The following CXADR variants were observed in gnomAD, a reference collection of about 807,000 sequenced individuals.
The protein encoded by CXADR is coxsackievirus and adenovirus receptor.
In CXADR, 20 loss-of-function variants were observed where a neutral mutation model predicts 40.3. The ratio of observed to expected loss-of-function variants is 0.50; its 90% CI spans 0.35 to 0.72. CXADR has a LOEUF of 0.72. Ranked by LOEUF, CXADR falls within the 30% of genes least tolerant of loss-of-function variation. CXADR has a pLI of 0.01. For synonymous variants in CXADR, 150 were observed against 161.3 expected (o/e 0.93, Z 0.53); for missense variants, 332 against 449.1 (o/e 0.74, Z 2.36).
the CXADR span, among the ~76,000 whole-genome samples, chr21:17,603,873 G>A: frequency 2.6e-4 from 39 of 152,218 alleles, no homozygotes; most frequent in East Asian, 7.3e-3. Flanking sequence ...ACTGCATTTT[G>A]TACACATTTC....
chr21:17,562,555 G>A (rs2061139038), intron 6 of CXADR, among the ~76,000 whole-genome samples: 5 of 152,196 alleles, frequency 3.3e-5, no homozygotes, highest in Admixed American at 3.3e-4. Context: ...CTCCTGGGCT[G>A]CATTGGCTCC....
intron 1 of CXADR, chr21:17,518,702 G>A (rs2060491770): frequency 2.5e-6 from 4 of 1,608,192 alleles, no homozygotes; most frequent in East Asian, 4.5e-5. Context: ...AATATTCCAG[G>A]TATCATTTCT....
rs2061205296 is a variant in CXADR, at chr21:17,566,121, A to G, written c.*429A>G. On this transcript the variant is annotated 3_prime_UTR_variant, in exon 7 of 7. Transcript: ENST00000284878. ...GTATTTCATTTATTTATGGCCCACC[A>G]GTCTCCCCCAAATTAGTACAGAAAT... 1.0e-6 allele frequency: 1 copy of G among 984,274 alleles called. No individual in the cohort carries two copies. The highest frequency in any genetic ancestry group is 1.2e-6 in the Non-Finnish European group (1 of 828,598). 61.0% of individuals were successfully genotyped at this position (984,274 alleles called of 1,614,324 possible).
At chr21:17,612,740 C>G in the CXADR span, 1 of 152,844 alleles carries the variant, frequency 6.5e-6, no homozygotes, top group East Asian at 1.9e-4. Context: ...ATTCGGCGGC[C>G]CAGACCGTGT....
intron 7 of CXADR, among the ~76,000 whole-genome samples, chr21:17,587,446 A>G (rs1307187900): frequency 2.0e-5 from 3 of 152,166 alleles, no homozygotes; most frequent in East Asian, 3.9e-4. Flanking sequence ...CTGGTGTGAG[A>G]TGGTATCTCA....
intron 1 of CXADR, among the ~76,000 whole-genome samples, chr21:17,537,592 C>G (rs2060775245): frequency 6.6e-6 from 1 of 152,056 alleles, no homozygotes; most frequent in African/African-American, 2.4e-5. Context: ...AATCCCTGTG[C>G]ATGTGCCATC....
chr21:17,632,712 A>T, the CXADR span, among the ~76,000 whole-genome samples: 1 of 152,038 alleles, frequency 6.6e-6, no homozygotes, highest in Admixed American at 6.6e-5. Context: ...CTAAAAATAC[A>T]AAAAATATTA....
intron 3 of CXADR, among the ~76,000 whole-genome samples, chr21:17,554,744 A>G (rs1045766956): frequency 1.4e-4 from 22 of 152,140 alleles, no homozygotes; most frequent in African/African-American, 5.3e-4. Context: ...TTCTGCCTGG[A>G]TTATCTGGGG....
At chr21:17,516,412 C>T (rs2060462713) in intron 1 of CXADR, among the ~76,000 whole-genome samples, 1 of 152,168 alleles carries the variant, frequency 6.6e-6, no homozygotes, top group Non-Finnish European at 1.5e-5. Flanking sequence ...TCTTTAATGT[C>T]ATAGTCTTAA....
Position 17,513,133 on chromosome 21 carries a change from G to C in CXADR, c.4G>C (p.Ala2Pro). Residue 2 changes from alanine (A) to proline (P), a missense_variant, in exon 1 of 7, where the codon GCG (alanine) becomes CCG (proline). This residue lies in a region of CXADR where 162 missense variants were observed against 198.5 expected (regional missense o/e 0.82). Coordinates refer to ENST00000284878, the MANE Select transcript of CXADR (RefSeq NM_001338.5). ...CGCCCACGGCACGGCAGCCACCATG[G>C]CGCTCCTGCTGTGCTTCGTGCTCCT... M[A>P]LLLCFVLLCG... The C allele has an allele frequency of 1.5e-6, 2 of 1,362,100 alleles. No individual in the cohort carries two copies. The highest frequency in any genetic ancestry group is 1.9e-6 in the Non-Finnish European group (2 of 1,054,066). 84.4% of individuals were successfully genotyped at this position (1,362,100 alleles called of 1,614,324 possible).
chr21:17,556,381 G>A (rs886585668), intron 3 of CXADR, among the ~76,000 whole-genome samples: 11 of 152,138 alleles, frequency 7.2e-5, no homozygotes, highest in African/African-American at 2.7e-4. Context: ...TATTGTGGAC[G>A]GGTTGTAGTG....
At chr21:17,582,473 CA>C (rs11321414) in intron 7 of CXADR, among the ~76,000 whole-genome samples, 152,290 of 152,290 alleles carry the variant, frequency 1, 76,145 homozygotes, top group Non-Finnish European at 1. Context: ...TCTGGTTCAA[CA>C]CTGACTTATC....
At chr21:17,595,364 A>G (rs967142362), downstream of CXADR, among the ~76,000 whole-genome samples, 3 of 152,008 alleles carry the variant, frequency 2.0e-5, no homozygotes, top group South Asian at 4.1e-4. Flanking sequence ...CAAAAAGTAC[A>G]AAAGGGTAAA....
chr21:17,614,598 C>T, the CXADR span, among the ~76,000 whole-genome samples: 3 of 152,012 alleles, frequency 2.0e-5, no homozygotes, highest in Non-Finnish European at 4.4e-5. Context: ...CACAAATTAG[C>T]CAGGTGTGGT....
At chr21:17,609,521 C>T in the CXADR span, among the ~76,000 whole-genome samples, 4 of 152,170 alleles carry the variant, frequency 2.6e-5, no homozygotes, top group African/African-American at 9.7e-5. Context: ...GTTTAAAATT[C>T]TGTGAAATGA....
chr21:17,604,029 G>T, the CXADR span: 1 of 810,274 alleles, frequency 1.2e-6, no homozygotes, highest in Non-Finnish European at 1.6e-6. Context: ...TGAGCAAGTG[G>T]AGTTCAAAAA....
chr21:17,525,506 T>A (rs2060588067), intron 1 of CXADR, among the ~76,000 whole-genome samples: 1 of 152,232 alleles, frequency 6.6e-6, no homozygotes, highest in East Asian at 1.9e-4. Flanking sequence ...TGACTATCAC[T>A]TATTCTCTTC....
At chr21:17,594,247 T>C, downstream of CXADR, 1 of 1,613,378 alleles carries the variant, frequency 6.2e-7, no homozygotes, top group Non-Finnish European at 8.5e-7. Flanking sequence ...ATAGTGATTC[T>C]GATGGCCATT....
At chr21:17,612,368 G>A in the CXADR span, 1 of 152,308 alleles carries the variant, frequency 6.6e-6, no homozygotes, top group African/African-American at 2.4e-5. Flanking sequence ...GGGGTGGACA[G>A]AGGGTGGGAA....
Sources: allele counts gnomAD v4.1 joint callset (sites outside exome capture counted in the v4.1 genomes callset), GRCh38; gene constraint gnomAD v4.1.1; regional missense constraint gnomAD v4.1.1; transcripts MANE v1.5; gene names NCBI Gene and HGNC (gene_info 2026-07-23, HGNC 2026-07-21).